The following LRGUK variants were observed in gnomAD, a reference collection of about 807,000 sequenced individuals.
LRGUK encodes the protein leucine rich repeats and guanylate kinase domain containing, also known as leucine-rich repeat and guanylate kinase domain-containing protein.
LRGUK carries 65 observed loss-of-function variants against 76.0 expected under a neutral mutation model. That is an observed-to-expected ratio of 0.85 (90% CI 0.70 to 1.05). LRGUK has a LOEUF of 1.05. LRGUK is among the 50% of genes least tolerant of loss of function. The probability of loss-of-function intolerance (pLI) is 0.00; values close to 1 mark genes in which losing one functional copy is unlikely to be tolerated. For synonymous variants in LRGUK, 268 were observed against 265.6 expected, an observed-to-expected ratio of 1.01 and a Z score of -0.09; for missense variants, 758 against 732.8, an observed-to-expected ratio of 1.03 and a Z score of -0.40.
chr7:134,173,849 G>A (rs1209432959), intron 7 of LRGUK, among the ~76,000 whole-genome samples: 1 of 152,186 alleles, frequency 6.6e-6, no homozygotes, highest in African/African-American at 2.4e-5. Context: ...GGTGGCTCAT[G>A]CCTGTAATCC....
chr7:134,223,408 G>C (rs1294658707), intron 16 of LRGUK, among the ~76,000 whole-genome samples: 1 of 152,236 alleles, frequency 6.6e-6, no homozygotes, highest in Non-Finnish European at 1.5e-5. Context: ...TGTGGCTCAG[G>C]CTGCGGCTTC....
chr7:134,242,182 A>G (rs537857765), intron 16 of LRGUK, among the ~76,000 whole-genome samples: 25 of 152,332 alleles, frequency 1.6e-4, no homozygotes, highest in African/African-American at 5.3e-4. Context: ...AAGCTAGCAG[A>G]AGGCAAGAAG....
chr7:134,178,758 T>C, intron 10 of LRGUK, 149 bp downstream of exon 10: 1 of 543,148 alleles, frequency 1.8e-6, no homozygotes, highest in East Asian at 3.0e-5. Flanking sequence ...AAGTCTTTAT[T>C]TGATAGACAA....
Position 134,172,457 on chromosome 7 carries a change from A to G in LRGUK, c.940-2099A>G, listed in dbSNP as rs151289951. The stretch of plus-strand genomic sequence containing the variant: ...GGCCTTGAGGGAAATCTAATTCTTT[A>G]CAAAAAAATTAGATACAAGACGATC... On this transcript the variant is annotated intron_variant, in intron 7 of 15. Coordinates refer to ENST00000645682, the Ensembl canonical transcript of LRGUK. Among the ~76,000 whole-genome samples, 405 of 152,330 alleles carry G rather than the reference A, an allele frequency of 2.7e-3. 1 individual carries two copies. The highest frequency in any genetic ancestry group is 3.4e-3 in the Non-Finnish European group (234 of 68,032).
intron 11 of LRGUK, among the ~76,000 whole-genome samples, chr7:134,186,034 A>G (rs187930289): frequency 2.6e-5 from 4 of 152,356 alleles, no homozygotes; most frequent in Admixed American, 6.5e-5. Flanking sequence ...GCAAAAGGGT[A>G]TATGCTGTTT....
At chr7:134,263,165 C>T (rs1423546642) in intron 19 of LRGUK, among the ~76,000 whole-genome samples, 1 of 152,008 alleles carries the variant, frequency 6.6e-6, no homozygotes, top group Non-Finnish European at 1.5e-5. Context: ...CTGTTTCTCT[C>T]ACTCTCTATA....
chr7:134,177,977 G>C (rs886903046), intron 9 of LRGUK, among the ~76,000 whole-genome samples: 1 of 152,116 alleles, frequency 6.6e-6, no homozygotes, highest in Non-Finnish European at 1.5e-5. Context: ...TGAAGAAAAG[G>C]CCCATATCCT....
chr7:134,187,550 G>A (rs916473216), intron 11 of LRGUK, among the ~76,000 whole-genome samples: 3 of 152,090 alleles, frequency 2.0e-5, no homozygotes, highest in Non-Finnish European at 4.4e-5. Context: ...ATATTGGTGC[G>A]GCTGAGAGAT....
intron 16 of LRGUK, among the ~76,000 whole-genome samples, chr7:134,237,398 A>G (rs1263866308): frequency 6.6e-6 from 1 of 152,138 alleles, no homozygotes; most frequent in Non-Finnish European, 1.5e-5. Context: ...TATTCTCTGA[A>G]GGTGACCAGT....
At chr7:134,205,231 A>G (rs1323253098) in intron 15 of LRGUK, among the ~76,000 whole-genome samples, 1 of 152,174 alleles carries the variant, frequency 6.6e-6, no homozygotes, top group Non-Finnish European at 1.5e-5. Context: ...TGCGTTTTAC[A>G]GAGCGCTGAT....
intron 14 of LRGUK, among the ~76,000 whole-genome samples, chr7:134,201,172 G>C (rs2117090915): frequency 6.6e-6 from 1 of 152,208 alleles, no homozygotes; most frequent in East Asian, 1.9e-4. Flanking sequence ...GGCCTGCCTG[G>C]ATAATCTCCC....
At chr7:134,247,735 C>T in intron 17 of LRGUK, 91 bp downstream of exon 17, 2 of 973,060 alleles carry the variant, frequency 2.1e-6, no homozygotes, top group Non-Finnish European at 3.2e-6. Flanking sequence ...AAACAGAGAC[C>T]TCTGTCCTAA....
exon 11 of LRGUK, chr7:134,183,794 T>C (rs1190369206): frequency 6.2e-7 from 1 of 1,614,114 alleles, no homozygotes; most frequent in African/African-American, 1.3e-5. Flanking sequence ...CTGAAGCTTG[T>C]GGGAAACGAG....
At chr7:134,157,081 C>G (rs1195771468) in intron 5 of LRGUK, among the ~76,000 whole-genome samples, 1 of 151,984 alleles carries the variant, frequency 6.6e-6, no homozygotes, top group Non-Finnish European at 1.5e-5. Context: ...TGTTAGGTGA[C>G]TACAAGATGG....
chr7:134,143,255 A>G (rs1585427149), intron 4 of LRGUK, 93 bp downstream of exon 4: 2 of 761,182 alleles, frequency 2.6e-6, no homozygotes, highest in Admixed American at 4.0e-5. Context: ...ATTCAGAGAG[A>G]ATAAGATACA....
At chr7:134,141,031 G>A (rs1797743609) in intron 3 of LRGUK, among the ~76,000 whole-genome samples, 1 of 152,144 alleles carries the variant, frequency 6.6e-6, no homozygotes, top group Non-Finnish European at 1.5e-5. Context: ...CATTTGCTGG[G>A]TAGGAAATCG....
intron 17 of LRGUK, among the ~76,000 whole-genome samples, chr7:134,247,949 C>T (rs1224642720): frequency 6.6e-6 from 1 of 152,176 alleles, no homozygotes; most frequent in Non-Finnish European, 1.5e-5. Flanking sequence ...ATCGTCTATC[C>T]TTTCCCTTGC....
intron 15 of LRGUK, among the ~76,000 whole-genome samples, chr7:134,220,647 C>T (rs1236999217): frequency 2.0e-5 from 3 of 151,584 alleles, no homozygotes; most frequent in Admixed American, 2.0e-4. Context: ...GGCTGGAGTG[C>T]AGCCTCTACC....
chr7:134,224,621 T>C (rs1801688427), intron 16 of LRGUK, among the ~76,000 whole-genome samples: 1 of 151,852 alleles, frequency 6.6e-6, no homozygotes, highest in African/African-American at 2.4e-5. Context: ...GATGATGAAA[T>C]AGTCTGTACA....
Sources: allele counts gnomAD v4.1 joint callset (sites outside exome capture counted in the v4.1 genomes callset), GRCh38; gene constraint gnomAD v4.1.1; transcripts MANE v1.5; gene names NCBI Gene and HGNC (gene_info 2026-07-23, HGNC 2026-07-21).